Variants in SCHIP1 observed in about 807,000 individuals in gnomAD.
The protein encoded by SCHIP1 is schwannomin interacting protein 1, also known as schwannomin-interacting protein 1.
In SCHIP1, 8 loss-of-function variants were observed where a neutral mutation model predicts 29.7. That is an observed-to-expected ratio of 0.27 (90% confidence interval 0.16 to 0.49). SCHIP1 has a LOEUF of 0.49. Among genes scored for constraint, SCHIP1 ranks in the 20% least tolerant of loss-of-function variants. The pLI is 0.99. For missense variants in SCHIP1, 193 were observed against 294.6 expected (o/e 0.66, Z 2.52); for synonymous variants, 76 against 94.9 (o/e 0.80, Z 1.16).
At chr3:159,490,600 A>G in the SCHIP1 span, among the ~76,000 whole-genome samples, 1 of 152,238 alleles carries the variant, frequency 6.6e-6, no homozygotes, top group East Asian at 1.9e-4. Flanking sequence ...GTGCATGCAC[A>G]CAAACATACA....
Position 159,888,893 on chromosome 3 carries a change from C to T in SCHIP1, c.539C>T (p.Thr180Ile), listed in dbSNP as rs760991948. ...AAACCCACCGACCTGAGAGACATGA[C>T]TATTGGGCAGCTACAAGTGATAGTC... The change falls in exon 5 of 7, where the codon ACT becomes ATT. Residue 180 changes from threonine to isoleucine, a missense_variant. Thr to Ile is a moderately conservative substitution (Grantham distance 89). Coordinates refer to ENST00000445224, the Ensembl canonical transcript of SCHIP1. 4 of 1,613,992 alleles carry T rather than the reference C, an allele frequency of 2.5e-6. No homozygotes were observed. In the African/African-American group the frequency reaches 5.3e-5, roughly 22 times the overall value.
At chr3:159,394,991 G>T in the SCHIP1 span, among the ~76,000 whole-genome samples, 1 of 152,166 alleles carries the variant, frequency 6.6e-6, no homozygotes, top group Non-Finnish European at 1.5e-5. Context: ...CACAAATTCA[G>T]ATCCTGTTAT....
the SCHIP1 span, among the ~76,000 whole-genome samples, chr3:159,742,834 ATTTTTTTTTT>A: frequency 3.6e-5 from 4 of 110,818 alleles, no homozygotes; most frequent in Admixed American, 9.6e-5. Context: ...CGCCTAGCTA[ATTTTTTTTTT>A]TTTTTTTTTT....
chr3:159,652,561 C>T, the SCHIP1 span, among the ~76,000 whole-genome samples: 328 of 151,580 alleles, frequency 2.2e-3, 2 homozygotes, highest in African/African-American at 7.4e-3. Context: ...AACAAGGAAG[C>T]GGATATGTAA....
the SCHIP1 span, among the ~76,000 whole-genome samples, chr3:159,560,133 G>A: frequency 4.6e-5 from 7 of 152,144 alleles, no homozygotes; most frequent in African/African-American, 7.2e-5. Flanking sequence ...AGAACAAAAA[G>A]AGAACAGATT....
At chr3:159,557,430 T>G in the SCHIP1 span, among the ~76,000 whole-genome samples, 25 of 152,302 alleles carry the variant, frequency 1.6e-4, no homozygotes, top group African/African-American at 5.3e-4. Context: ...TCATAATCCA[T>G]AGAAGGACTA....
At chr3:159,804,956 C>G in the SCHIP1 span, among the ~76,000 whole-genome samples, 1 of 152,300 alleles carries the variant, frequency 6.6e-6, no homozygotes, top group South Asian at 2.1e-4. Flanking sequence ...AAGAAATGGT[C>G]ACTTCCAAGA....
chr3:159,826,200 A>AT, the SCHIP1 span, among the ~76,000 whole-genome samples: 1 of 152,144 alleles, frequency 6.6e-6, no homozygotes, highest in African/African-American at 2.4e-5. Flanking sequence ...CAAGCCCTTA[A>AT]TTTTTTGTAT....
the SCHIP1 span, among the ~76,000 whole-genome samples, chr3:159,488,141 G>A: frequency 2.0e-5 from 3 of 151,968 alleles, no homozygotes; most frequent in Non-Finnish European, 4.4e-5. Flanking sequence ...GCAAAAAATC[G>A]AAACAAATGA....
At chr3:159,868,116 T>C (rs2109275808) in intron 2 of SCHIP1, among the ~76,000 whole-genome samples, 1 of 150,596 alleles carries the variant, frequency 6.6e-6, no homozygotes, top group East Asian at 1.9e-4. Flanking sequence ...TATTAATCTA[T>C]ATGTAACATA....
the SCHIP1 span, among the ~76,000 whole-genome samples, chr3:159,695,600 T>G: frequency 1.3e-5 from 2 of 152,188 alleles, no homozygotes; most frequent in Non-Finnish European, 2.9e-5. Context: ...TTTGAACAGT[T>G]CAGGGCCTAA....
chr3:159,777,109 T>C, the SCHIP1 span, among the ~76,000 whole-genome samples: 1 of 152,220 alleles, frequency 6.6e-6, no homozygotes, highest in Non-Finnish European at 1.5e-5. Flanking sequence ...CTATTACATA[T>C]TGGCAAACAA....
the SCHIP1 span, among the ~76,000 whole-genome samples, chr3:159,782,117 C>T: frequency 3.3e-5 from 5 of 152,158 alleles, no homozygotes; most frequent in African/African-American, 9.7e-5. Context: ...GCTTCATCTG[C>T]GGCAGCATGT....
the SCHIP1 span, among the ~76,000 whole-genome samples, chr3:159,535,168 G>C: frequency 6.6e-6 from 1 of 152,126 alleles, no homozygotes; most frequent in Non-Finnish European, 1.5e-5. Flanking sequence ...TATGACTGAG[G>C]TAAACAAAAT....
At chr3:159,282,689 A>G in the SCHIP1 span, 3 of 145,024 alleles carry the variant, frequency 2.1e-5, no homozygotes, top group Admixed American at 1.4e-4. Flanking sequence ...ACTAGTTTGT[A>G]GTAGTTCGTA....
chr3:159,692,044 C>T, the SCHIP1 span, among the ~76,000 whole-genome samples: 5,176 of 108,756 alleles, frequency 0.048, 436 homozygotes, highest in African/African-American at 0.18. Flanking sequence ...TTTTTTGAGA[C>T]GGAGTCTCGC....
the SCHIP1 span, chr3:159,764,282 C>A: frequency 1.3e-6 from 1 of 766,758 alleles, no homozygotes; most frequent in Non-Finnish European, 2.0e-6. The surrounding 1 kb of genome is among the most constrained non-coding windows in gnomAD (Gnocchi z 6.1). Context: ...GGAGGGAAGC[C>A]TCAGGCTGGT....
At chr3:159,573,212 G>T in the SCHIP1 span, among the ~76,000 whole-genome samples, 1,815 of 152,248 alleles carry the variant, frequency 0.012, 34 homozygotes, top group African/African-American at 0.042. Flanking sequence ...AGCATCAATG[G>T]TCTTTACAAT....
At chr3:159,422,421 C>G in the SCHIP1 span, among the ~76,000 whole-genome samples, 1 of 152,186 alleles carries the variant, frequency 6.6e-6, no homozygotes, top group African/African-American at 2.4e-5. Context: ...CCTAGCTAAA[C>G]TAATATTAGT....
Sources: gnomAD v4.1 joint callset for allele counts (sites outside exome capture counted in the v4.1 genomes callset) on GRCh38, gnomAD v4.1.1 for gene constraint, Gnocchi (gnomAD v3.1) non-coding constraint, MANE v1.5 for transcripts, NCBI Gene and HGNC (gene_info 2026-07-23, HGNC 2026-07-21) for gene names.